KALRN: variants seen among roughly 807,000 people sequenced by gnomAD.
The protein encoded by KALRN is kalirin RhoGEF kinase, also known as kalirin.
KALRN carries 70 observed loss-of-function variants against 353.7 expected under a neutral mutation model. That is an observed-to-expected ratio of 0.20 (90% CI 0.16 to 0.24). The LOEUF is 0.24. Ranked by LOEUF, KALRN falls within the 10% of genes least tolerant of loss-of-function variation. KALRN has a pLI of 1.00. For missense variants in KALRN, 2,791 were observed against 3,756.7 expected, an observed-to-expected ratio of 0.74 and a Z score of 6.72; for synonymous variants, 1,391 against 1,434.8, an observed-to-expected ratio of 0.97 and a Z score of 0.69.
At chr3:124,203,032 T>C (rs2076097160) in intron 1 of KALRN, among the ~76,000 whole-genome samples, 1 of 152,234 alleles carries the variant, frequency 6.6e-6, no homozygotes, top group East Asian at 1.9e-4. Context: ...TAATGTTTTA[T>C]GTGCTGCCCC....
chr3:124,055,947 G>C (rs1256946457), intron 1 of KALRN, among the ~76,000 whole-genome samples: 1 of 152,168 alleles, frequency 6.6e-6, no homozygotes, highest in Non-Finnish European at 1.5e-5. Context: ...CCTCAGTACT[G>C]AAGCTTTGTT....
chr3:124,547,465 A>G (rs899765587), intron 33 of KALRN, among the ~76,000 whole-genome samples: 6 of 151,280 alleles, frequency 4.0e-5, no homozygotes, highest in Admixed American at 3.9e-4. Context: ...GGCTCATACC[A>G]CCATGCCAAC....
intron 34 of KALRN, among the ~76,000 whole-genome samples, chr3:124,588,892 T>C (rs750793596): frequency 2.0e-5 from 3 of 152,246 alleles, no homozygotes; most frequent in Non-Finnish European, 4.4e-5. Flanking sequence ...CGTGCCATTG[T>C]GTCTTCACAT....
chr3:124,437,790 AAAC>A (rs1241734101), intron 17 of KALRN, among the ~76,000 whole-genome samples: 1 of 151,898 alleles, frequency 6.6e-6, no homozygotes, highest in Non-Finnish European at 1.5e-5. Flanking sequence ...TGCCGTATCC[AAAC>A]AAGTAATCAA....
intron 10 of KALRN, among the ~76,000 whole-genome samples, chr3:124,351,120 A>G (rs1279434289): frequency 6.6e-6 from 1 of 152,166 alleles, no homozygotes; most frequent in Non-Finnish European, 1.5e-5. Flanking sequence ...AAAAAGGGGT[A>G]AACTAGGAAG....
At chr3:124,295,221 C>T (rs1021759918) in intron 5 of KALRN, among the ~76,000 whole-genome samples, 1 of 152,156 alleles carries the variant, frequency 6.6e-6, no homozygotes, top group African/African-American at 2.4e-5. Context: ...CACATGAGAC[C>T]ATCTAATCCC....
intron 32 of KALRN, among the ~76,000 whole-genome samples, chr3:124,493,850 T>G (rs982136257): frequency 6.6e-6 from 1 of 152,228 alleles, no homozygotes; most frequent in African/African-American, 2.4e-5. Context: ...GTTCACCTCC[T>G]CAGTGCTGCA....
chr3:124,531,557 A>G (rs2068043635), intron 33 of KALRN, among the ~76,000 whole-genome samples: 1 of 152,212 alleles, frequency 6.6e-6, no homozygotes, highest in Non-Finnish European at 1.5e-5. Context: ...CAGGCTGTAC[A>G]GCAAACATGA....
intron 47 of KALRN, among the ~76,000 whole-genome samples, chr3:124,668,069 C>T (rs945163933): frequency 7.9e-5 from 12 of 151,324 alleles, no homozygotes; most frequent in East Asian, 5.8e-4. Context: ...CACACACACA[C>T]ACACACACAC....
At chr3:124,406,950 A>G (rs1021828698) in intron 13 of KALRN, among the ~76,000 whole-genome samples, 1 of 149,682 alleles carries the variant, frequency 6.7e-6, no homozygotes, top group African/African-American at 2.5e-5. Flanking sequence ...TCCTGGGTTC[A>G]AGCCTCCAGA....
At chr3:124,559,412 G>T (rs1219324839) in intron 33 of KALRN, among the ~76,000 whole-genome samples, 1 of 152,192 alleles carries the variant, frequency 6.6e-6, no homozygotes, top group African/African-American at 2.4e-5. Context: ...AGGCTTAGCA[G>T]GCCTTAGGCA....
intron 18 of KALRN, among the ~76,000 whole-genome samples, 177 bp from the exon 19 acceptor site, chr3:124,441,768 G>C (rs1157712559): frequency 6.6e-6 from 1 of 151,938 alleles, no homozygotes; most frequent in Non-Finnish European, 1.5e-5. Flanking sequence ...GGAGACTGCG[G>C]TGAGCTATGA....
chr3:124,513,533 C>G (rs1320820345), intron 33 of KALRN, among the ~76,000 whole-genome samples: 1 of 152,124 alleles, frequency 6.6e-6, no homozygotes, highest in East Asian at 1.9e-4. Flanking sequence ...GAACCCATTA[C>G]CCTCTCTTCC....
At chr3:124,191,142 A>G (rs1385592953) in intron 1 of KALRN, among the ~76,000 whole-genome samples, 3 of 152,314 alleles carry the variant, frequency 2.0e-5, no homozygotes, top group African/African-American at 7.2e-5. Flanking sequence ...AATAGTTTCT[A>G]TGTCATTTCT....
At chr3:124,681,421 C>G (rs1032751425) in intron 51 of KALRN, among the ~76,000 whole-genome samples, 4 of 152,100 alleles carry the variant, frequency 2.6e-5, no homozygotes, top group Non-Finnish European at 5.9e-5. Flanking sequence ...AATATTCGTG[C>G]TGAACAGAGG....
chr3:124,246,472 C>A (rs2081134625), intron 3 of KALRN, among the ~76,000 whole-genome samples: 1 of 151,316 alleles, frequency 6.6e-6, no homozygotes, highest in African/African-American at 2.4e-5. Flanking sequence ...TTTTTTTTTG[C>A]CCTTGGTGAT....
intron 14 of KALRN, 53 bp downstream of exon 14, chr3:124,413,718 C>T (rs751591964): frequency 6.0e-5 from 87 of 1,438,782 alleles, no homozygotes; most frequent in Non-Finnish European, 8.2e-5. Flanking sequence ...AACAAGCATA[C>T]CATCTAGCCT....
rs72970965 is a variant in KALRN at position 124,052,530 on chromosome 3, C to T, written c.73+18717C>T. Among the ~76,000 whole-genome samples the T allele has an allele frequency of 8.9e-3, 1,351 of 152,114 alleles. 15 individuals carry two copies. The highest frequency in any genetic ancestry group is 0.028 in the African/African-American group (1,170 of 41,500). On this transcript the variant is annotated intron_variant, in intron 1 of 59. Transcript: ENST00000682506. Reference sequence around the variant, plus strand: ...TCAGATAGAGAAGATGGTAAAAAGCCGTCCAGAATCTTCTTTTCTTAGTGT... The same window carrying T: ...TCAGATAGAGAAGATGGTAAAAAGCTGTCCAGAATCTTCTTTTCTTAGTGT...
At chr3:124,501,004 G>A (rs553517145) in intron 33 of KALRN, among the ~76,000 whole-genome samples, 2 of 152,210 alleles carry the variant, frequency 1.3e-5, no homozygotes, top group South Asian at 4.1e-4. Flanking sequence ...TGGTACAAAA[G>A]TAGCCATCTG....
Sources: gnomAD v4.1 joint callset for allele counts (sites outside exome capture counted in the v4.1 genomes callset) on GRCh38, gnomAD v4.1.1 for gene constraint, MANE v1.5 for transcripts, NCBI Gene and HGNC (gene_info 2026-07-23, HGNC 2026-07-21) for gene names.